The following PACRG variants were observed in gnomAD, a reference collection of about 807,000 sequenced individuals.
PACRG encodes parkin coregulated.
In PACRG, 29 loss-of-function variants were observed where a neutral mutation model predicts 29.7. That is an observed-to-expected ratio of 0.98 (90% CI 0.73 to 1.33). The LOEUF is 1.33. Ranked by LOEUF, PACRG falls within the 40% of genes most tolerant of loss-of-function variation. The probability of loss-of-function intolerance (pLI) is 0.00; values close to 1 mark genes in which losing one functional copy is unlikely to be tolerated. For synonymous variants in PACRG, 116 were observed against 118.7 expected (o/e 0.98, Z 0.15); for missense variants, 279 against 316.2 (o/e 0.88, Z 0.89).
At chr6:163,267,468 A>G (rs977942185) in intron 4 of PACRG, among the ~76,000 whole-genome samples, 1 of 152,248 alleles carries the variant, frequency 6.6e-6, no homozygotes, top group Non-Finnish European at 1.5e-5. Flanking sequence ...CAGTGGGACC[A>G]TAATATTTCA....
At chr6:163,033,873 A>G (rs1025101186) in intron 2 of PACRG, among the ~76,000 whole-genome samples, 1 of 152,202 alleles carries the variant, frequency 6.6e-6, no homozygotes, top group African/African-American at 2.4e-5. Flanking sequence ...GTCACCTTGA[A>G]CAGCAGTCTT....
chr6:162,957,493 A>G, intron 2 of PACRG: 1 of 426,558 alleles, frequency 2.3e-6, no homozygotes, highest in South Asian at 2.5e-5. Context: ...AAAGGTAGTC[A>G]ATTCTATTAC....
intron 2 of PACRG, among the ~76,000 whole-genome samples, chr6:163,050,601 C>T (rs1447399316): frequency 6.6e-6 from 1 of 152,072 alleles, no homozygotes; most frequent in East Asian, 1.9e-4. Context: ...TAAAAAAATA[C>T]CCTTCAGTCT....
intron 2 of PACRG, among the ~76,000 whole-genome samples, chr6:163,029,944 G>T (rs537765674): frequency 6.6e-6 from 1 of 152,132 alleles, no homozygotes; most frequent in Non-Finnish European, 1.5e-5. Flanking sequence ...CAGGAGAAAA[G>T]TAATTGTGAA....
intron 4 of PACRG, among the ~76,000 whole-genome samples, chr6:163,196,395 A>G (rs999361404): frequency 2.0e-5 from 3 of 152,228 alleles, no homozygotes; most frequent in African/African-American, 7.2e-5. Flanking sequence ...TCCTAGGGCT[A>G]CTGGGAGCCT....
intron 4 of PACRG, among the ~76,000 whole-genome samples, chr6:163,150,292 C>T (rs1377035462): frequency 6.6e-6 from 1 of 152,124 alleles, no homozygotes; most frequent in African/African-American, 2.4e-5. Context: ...AAGGGCATCC[C>T]GGAGCTAAAC....
chr6:162,791,759 A>C (rs1025089869), intron 1 of PACRG, among the ~76,000 whole-genome samples: 1 of 152,178 alleles, frequency 6.6e-6, no homozygotes, highest in African/African-American at 2.4e-5. Context: ...TTCTAGAAGG[A>C]GGATGGGGAA....
At chr6:163,105,454 A>G (rs1815330164) in intron 4 of PACRG, among the ~76,000 whole-genome samples, 2 of 152,208 alleles carry the variant, frequency 1.3e-5, no homozygotes, top group Admixed American at 6.5e-5. Flanking sequence ...AGTTAATATT[A>G]TCAGCACTTA....
chr6:162,958,894 G>T (rs1360794612), intron 2 of PACRG, among the ~76,000 whole-genome samples: 287 of 26,478 alleles, frequency 0.011, no homozygotes, highest in South Asian at 0.019. Context: ...TAGAGAGAGA[G>T]AGAGAGAGAG....
intron 3 of PACRG, among the ~76,000 whole-genome samples, chr6:163,065,822 C>T (rs1390636597): frequency 6.6e-6 from 1 of 152,106 alleles, no homozygotes; most frequent in Non-Finnish European, 1.5e-5. Flanking sequence ...ACTAAAATCT[C>T]CATAGAAGTA....
At chr6:163,115,197 G>C (rs924010874) in intron 4 of PACRG, among the ~76,000 whole-genome samples, 1 of 152,038 alleles carries the variant, frequency 6.6e-6, no homozygotes, top group African/African-American at 2.4e-5. Context: ...GAGTTCCAGA[G>C]ACACATGAAT....
At chr6:162,843,379 G>A (rs1789988922) in intron 2 of PACRG, among the ~76,000 whole-genome samples, 1 of 150,764 alleles carries the variant, frequency 6.6e-6, no homozygotes, top group African/African-American at 2.5e-5. Context: ...CTTTCTTCTA[G>A]TTGATCGCAT....
At chr6:162,830,822 C>A (rs1408663487) in intron 2 of PACRG, among the ~76,000 whole-genome samples, 4 of 152,190 alleles carry the variant, frequency 2.6e-5, no homozygotes, top group African/African-American at 9.6e-5. Context: ...AGGACTGAGA[C>A]ATCCTGAGAC....
chr6:162,801,849 T>C (rs1785907153), intron 1 of PACRG, among the ~76,000 whole-genome samples: 1 of 152,142 alleles, frequency 6.6e-6, no homozygotes, highest in Non-Finnish European at 1.5e-5. Context: ...AAATTAATTC[T>C]GATTTAACTG....
intron 4 of PACRG, among the ~76,000 whole-genome samples, chr6:163,284,371 G>A (rs574441924): frequency 7.8e-4 from 118 of 152,192 alleles, no homozygotes; most frequent in African/African-American, 2.7e-3. Context: ...CGTTCCAGCC[G>A]GTATCACTGC....
intron 4 of PACRG, among the ~76,000 whole-genome samples, chr6:163,265,895 C>A (rs73601581): frequency 6.6e-6 from 1 of 152,146 alleles, no homozygotes; most frequent in African/African-American, 2.4e-5. Context: ...AATATTTTGA[C>A]TACTGTACAT....
intron 1 of PACRG, among the ~76,000 whole-genome samples, chr6:162,812,229 C>A (rs1333958): frequency 0.43 from 64,695 of 151,810 alleles, 15,432 homozygotes; most frequent in African/African-American, 0.63. Context: ...GGGAAAGCAA[C>A]TAAAGGCTAT....
chr6:162,854,237 C>T (rs1005884788), intron 2 of PACRG, among the ~76,000 whole-genome samples: 1 of 149,920 alleles, frequency 6.7e-6, no homozygotes, highest in Non-Finnish European at 1.5e-5. Context: ...TAGTATCCTG[C>T]GCATAGTAAG....
intron 4 of PACRG, among the ~76,000 whole-genome samples, chr6:163,137,945 AC>A (rs1817002618): frequency 6.6e-6 from 1 of 152,066 alleles, no homozygotes; most frequent in East Asian, 1.9e-4. Flanking sequence ...TACTGAGCTC[AC>A]CGTTTTACAG....
Sources: gnomAD v4.1 joint callset for allele counts (sites outside exome capture counted in the v4.1 genomes callset) on GRCh38, gnomAD v4.1.1 for gene constraint, MANE v1.5 for transcripts, NCBI Gene and HGNC (gene_info 2026-07-23, HGNC 2026-07-21) for gene names.